ZNF195: variants seen among roughly 807,000 people sequenced by gnomAD.
ZNF195 encodes the protein hypoxia-regulated factor-1.
In ZNF195, 11 loss-of-function variants were observed where a neutral mutation model predicts 19.5. The ratio of observed to expected loss-of-function variants is 0.57; its 90% confidence interval spans 0.36 to 0.94. The LOEUF is 0.94. Ranked by LOEUF, ZNF195 falls within the 40% of genes least tolerant of loss-of-function variation. The probability of loss-of-function intolerance (pLI) is 0.01; values close to 1 mark genes in which losing one functional copy is unlikely to be tolerated. For synonymous variants in ZNF195, 214 were observed against 248.1 expected (o/e 0.86, Z 1.29); for missense variants, 582 against 709.0 (o/e 0.82, Z 2.03).
In ZNF195 at chr11:3,359,243, G is replaced by A; in HGVS notation, c.1765C>T (p.Gln589Ter). ...KCDECGKNFT[Q>*]SSNLIVHKRI... ...TTATGTACAATAAGGTTTGAGGACTGGGTAAAGTTTTTTCCACATTCGTCA... is the reference window on the plus strand; with the variant it reads ...TTATGTACAATAAGGTTTGAGGACTAGGTAAAGTTTTTTCCACATTCGTCA... Residue 589 changes from glutamine to a stop codon, truncating the protein, a stop_gained, in exon 6 of 6, where the codon CAG (glutamine) becomes TAG (stop). Transcript: ENST00000399602. LOFTEE classifies it low-confidence loss of function (END_TRUNC). This position sits in a 1 kb window ranked among gnomAD's most constrained non-coding sequence, Gnocchi z 5.5. The A allele has an allele frequency of 6.2e-7, 1 of 1,614,058 alleles. No individual in the cohort carries two copies. Among genetic ancestry groups the A allele is most frequent in the Non-Finnish European group, 8.5e-7 (1 of 1,179,986 alleles).
intron 3 of ZNF195, chr11:3,362,383 T>C (rs1199793538): frequency 6.4e-6 from 2 of 310,616 alleles, no homozygotes; most frequent in Non-Finnish European, 5.9e-6. Flanking sequence ...TTAATTATTA[T>C]CTAAAATTTG....
Position 3,360,732 on chromosome 11 carries a change from T to G in ZNF195, c.430A>C (p.Ile144Leu). The change falls in exon 5 of 6, where the codon ATC (isoleucine) becomes CTC (leucine). Residue 144 changes from isoleucine to leucine, a missense_variant. Coordinates refer to ENST00000399602, the MANE Select transcript of ZNF195 (RefSeq NM_001130520.3). ...AATGTAACAATACCTAGTGAGAAGA[T>G]GCATCTGAACTCTAAAAACCATTTC... is the stretch of plus-strand genomic sequence containing the variant. The part of the protein sequence containing the change: ...TVKWFLEFRC[I>L]FSLAMSSHFT... The G allele has an allele frequency of 6.4e-7, 1 of 1,551,604 alleles. No individual in the cohort carries two copies. The highest frequency in any genetic ancestry group is 8.7e-7 in the Non-Finnish European group (1 of 1,146,966).
At chr11:3,364,545 G>A (rs1025038094) in intron 3 of ZNF195, among the ~76,000 whole-genome samples, 1 of 148,336 alleles carries the variant, frequency 6.7e-6, no homozygotes. Flanking sequence ...ACAGCACACT[G>A]GAGGGTGTTA....
intron 3 of ZNF195, among the ~76,000 whole-genome samples, chr11:3,366,263 CAAAAAAA>C (rs35338297): frequency 4.4e-4 from 39 of 88,976 alleles, no homozygotes; most frequent in African/African-American, 1.7e-3. Context: ...GACTCCATCT[CAAAAAAA>C]AAAAAAAAAA....
At chr11:3,377,356 C>T (rs1424387831) in intron 1 of ZNF195, among the ~76,000 whole-genome samples, 1 of 152,108 alleles carries the variant, frequency 6.6e-6, no homozygotes, top group African/African-American at 2.4e-5. Flanking sequence ...CACCGGCCAC[C>T]CCCGATGATA....
In ZNF195 at chr11:3,369,817, GA is replaced by G. The variant is rs1849102924; in HGVS notation, c.226+1157del. Among the ~76,000 whole-genome samples the G allele has an allele frequency of 1.3e-5, 2 of 152,178 alleles. 1 individual carries two copies. Among genetic ancestry groups the G allele is most frequent in the Admixed American group, 1.3e-4 (2 of 15,276 alleles). On this transcript the variant is annotated intron_variant, in intron 3 of 5. Transcript: ENST00000399602. ...TGGGGAATCTAATGAGTAGCTTCAC[GA>G]ATACTATTAATAATCTTTTGTATGC...
rs115943642 is a variant in ZNF195, at chr11:3,365,331, G to A, written c.227-3442C>T. 7.0e-3 allele frequency among the ~76,000 whole-genome samples: 1,067 copies of A among 152,216 alleles called. 11 individuals are homozygous for A. The highest frequency in any genetic ancestry group is 0.024 in the African/African-American group (991 of 41,534). On this transcript the variant is annotated intron_variant, in intron 3 of 5. Transcript: ENST00000399602. ...GCATAGAACTCTCCAGTCCAAAGAA[G>A]CAGAATATACAATATTCTCAAATAC...
At chr11:3,378,293 G>C (rs1276411898) in intron 1 of ZNF195, among the ~76,000 whole-genome samples, 1 of 152,074 alleles carries the variant, frequency 6.6e-6, no homozygotes, top group Admixed American at 6.5e-5. Context: ...CTGGGGGACA[G>C]AGCGAGACTC....
intron 3 of ZNF195, among the ~76,000 whole-genome samples, chr11:3,370,118 C>T (rs547259485): frequency 1.3e-5 from 2 of 151,684 alleles, no homozygotes; most frequent in Non-Finnish European, 2.9e-5. Flanking sequence ...AATATTACTC[C>T]AGCATAAAAA....
chr11:3,365,608 A>G (rs1403399723), intron 3 of ZNF195, among the ~76,000 whole-genome samples: 2 of 152,240 alleles, frequency 1.3e-5, no homozygotes, highest in Admixed American at 6.5e-5. Context: ...AAATTCCCAA[A>G]GCTACTTTTT....
At chr11:3,362,629 A>C (rs1848687141) in intron 3 of ZNF195, 1 of 560,868 alleles carries the variant, frequency 1.8e-6, no homozygotes, top group African/African-American at 1.9e-5. Flanking sequence ...AGAAAATTTA[A>C]AAAGAGTCAA....
In ZNF195 at chr11:3,359,319, T is replaced by C; in HGVS notation, c.1689A>G (p.Ser563=). The change falls in exon 6 of 6, where the codon TCA becomes TCG. Residue 563 remains serine, a synonymous_variant. Transcript: ENST00000399602. This position sits in a 1 kb window ranked among gnomAD's most constrained non-coding sequence, Gnocchi z 5.5. ...EECGRVFMWF[S]DITKHKKTHT... is the part of the protein sequence containing the mutation. Reference sequence around the variant, plus strand: ...GGGTTTTCTTATGTTTGGTAATGTCTGAGAACCACATGAAGACTCTGCCAC... The same window carrying C: ...GGGTTTTCTTATGTTTGGTAATGTCCGAGAACCACATGAAGACTCTGCCAC... The C allele has an allele frequency of 2.5e-6, 4 of 1,613,862 alleles. No homozygotes were observed. The highest frequency in any genetic ancestry group is 2.2e-5 in the South Asian group (2 of 91,058).
rs760208512 is a variant in ZNF195, at chr11:3,359,205, A to G, written c.1803T>C (p.Thr601=). 3.7e-6 allele frequency: 6 copies of G among 1,613,886 alleles called. No individual in the cohort carries two copies. The highest frequency in any genetic ancestry group is 2.2e-5 in the East Asian group (1 of 44,886). The change falls in exon 6 of 6, where the codon ACT becomes ACC. Residue 601 remains threonine, a synonymous_variant. Coordinates refer to ENST00000399602, the MANE Select transcript of ZNF195 (RefSeq NM_001130520.3). This position sits in a 1 kb window ranked among gnomAD's most constrained non-coding sequence, Gnocchi z 5.5. ...TTTCACACTTGTAGGGTTTCTCTCC[A>G]GTATGAATTCTCTTATGTACAATAA... ...SNLIVHKRIH[T]GEKPYKCEKC...
chr11:3,369,802 A>C (rs1272004894), intron 3 of ZNF195, among the ~76,000 whole-genome samples: 1 of 152,212 alleles, frequency 6.6e-6, no homozygotes, highest in Non-Finnish European at 1.5e-5. Context: ...TGGGGAATCT[A>C]ATGAGTAGCT....
chr11:3,373,523 C>T, intron 1 of ZNF195: 3 of 1,398,544 alleles, frequency 2.1e-6, no homozygotes, highest in Non-Finnish European at 3.0e-6. Flanking sequence ...ATTCTAAACA[C>T]ATGACATTTC....
intron 4 of ZNF195, among the ~76,000 whole-genome samples, 197 bp from the exon 5 acceptor site, chr11:3,360,985 T>C (rs6578336): frequency 0.93 from 142,139 of 152,234 alleles, 66,494 homozygotes; most frequent in East Asian, 1. Context: ...TTCTGCCCCC[T>C]GTGACACGGA....
chr11:3,363,778 G>A (rs553411286), intron 3 of ZNF195, among the ~76,000 whole-genome samples: 1 of 152,156 alleles, frequency 6.6e-6, no homozygotes, highest in Non-Finnish European at 1.5e-5. Context: ...ATTACAAGGC[G>A]ACCGTAATTA....
At chr11:3,373,656 C>A in intron 1 of ZNF195, 1 of 1,546,840 alleles carries the variant, frequency 6.5e-7, no homozygotes, top group Non-Finnish European at 8.7e-7. Flanking sequence ...ACAAATCACA[C>A]CTGCATCGTG....
intron 3 of ZNF195, among the ~76,000 whole-genome samples, chr11:3,370,122 A>T (rs1192706819): frequency 6.6e-6 from 1 of 152,216 alleles, no homozygotes. Flanking sequence ...TTACTCCAGC[A>T]TAAAAAAGAA....
Sources: gnomAD v4.1 joint callset for allele counts (sites outside exome capture counted in the v4.1 genomes callset) on GRCh38, gnomAD v4.1.1 for gene constraint, Gnocchi (gnomAD v3.1) non-coding constraint, MANE v1.5 for transcripts, NCBI Gene and HGNC (gene_info 2026-07-23, HGNC 2026-07-21) for gene names.